WNK2: variants seen among roughly 807,000 people sequenced by gnomAD.
The protein encoded by WNK2 is WNK lysine deficient protein kinase 2.
Under a neutral mutation model 192.1 loss-of-function variants are expected in WNK2, and 67 were observed. The ratio of observed to expected loss-of-function variants is 0.35; its 90% confidence interval spans 0.29 to 0.43. WNK2 has a LOEUF of 0.43. WNK2 is among the 20% of genes least tolerant of loss of function. The probability of loss-of-function intolerance (pLI) is 1.00; values close to 1 mark genes in which losing one functional copy is unlikely to be tolerated. For synonymous variants in WNK2, 1,439 were observed against 1,393.9 expected, an observed-to-expected ratio of 1.03 and a Z score of -0.72; for missense variants, 2,698 against 3,089.7, an observed-to-expected ratio of 0.87 and a Z score of 3.01.
At chr9:93,203,881 G>A (rs1339237923) in intron 2 of WNK2, among the ~76,000 whole-genome samples, 7 of 152,162 alleles carry the variant, frequency 4.6e-5, no homozygotes, top group African/African-American at 1.7e-4. Context: ...GGTTACCCAC[G>A]CAGCCCTGTG....
intron 5 of WNK2, among the ~76,000 whole-genome samples, chr9:93,236,496 A>G (rs1032588304): frequency 7.9e-5 from 12 of 152,330 alleles, no homozygotes; most frequent in South Asian, 2.1e-4. Context: ...AAAGAACGTG[A>G]TAGTTGGTAC....
intron 19 of WNK2, among the ~76,000 whole-genome samples, chr9:93,270,937 G>C (rs1349058821): frequency 6.6e-6 from 1 of 152,168 alleles, no homozygotes; most frequent in African/African-American, 2.4e-5. Context: ...GCAGAATTGG[G>C]TGGTTTCTGT....
chr9:93,275,254 T>G, intron 19 of WNK2, among the ~76,000 whole-genome samples: 1 of 152,206 alleles, frequency 6.6e-6, no homozygotes, highest in East Asian at 1.9e-4. Flanking sequence ...CAATTGCACA[T>G]GCCTATAGTT....
At chr9:93,266,239 G>C (rs1325180774) in intron 16 of WNK2, among the ~76,000 whole-genome samples, 1 of 152,166 alleles carries the variant, frequency 6.6e-6, no homozygotes, top group Non-Finnish European at 1.5e-5. Flanking sequence ...TGAGGTACCA[G>C]CTGTCCCTGA....
At chr9:93,283,896 G>A (rs1358233597) in intron 19 of WNK2, among the ~76,000 whole-genome samples, 1 of 152,206 alleles carries the variant, frequency 6.6e-6, no homozygotes. Context: ...CAACAAGGAA[G>A]CAAATGGATG....
chr9:93,201,029 A>G (rs948210437), intron 2 of WNK2, among the ~76,000 whole-genome samples: 1 of 152,114 alleles, frequency 6.6e-6, no homozygotes, highest in Non-Finnish European at 1.5e-5. Context: ...TTTTACTGGG[A>G]TGGATTTTTA....
intron 13 of WNK2, 113 bp downstream of exon 13, chr9:93,262,220 C>A: frequency 7.7e-7 from 1 of 1,299,470 alleles, no homozygotes; most frequent in Non-Finnish European, 1.0e-6. Flanking sequence ...AGCTCTGGGA[C>A]AGCCACCCAG....
rs1244057478 is a variant in WNK2 at position 93,257,061 on chromosome 9, G to A, written c.2304G>A (p.Gln768=). The A allele has an allele frequency of 1.9e-6, 3 of 1,606,064 alleles. No individual in the cohort carries two copies. The South Asian group carries it at 3.3e-5, about 18-fold the overall frequency. Residue 768 remains glutamine, a synonymous_variant, in exon 11 of 30, where the codon CAG becomes CAA. Transcript: ENST00000427277. This position sits in a 1 kb window ranked among gnomAD's most constrained non-coding sequence, Gnocchi z 4.7. ...HLPPYLAPAS[Q]VGAPAQLKPL... is the part of the protein sequence containing the mutation. ...CACCGTACCTGGCTCCAGCCTCCCA[G>A]GTGGGGGCCCCCGCTCAGCTGAAGC...
At position 93,262,691 on chromosome 9, in the gene WNK2, C is replaced by T. The variant is rs572454752; in HGVS notation, c.3382C>T (p.Pro1128Ser). The T allele has an allele frequency of 6.2e-7, 1 of 1,612,518 alleles. No homozygotes were observed. Among genetic ancestry groups the T allele is most frequent in the Non-Finnish European group, 8.5e-7 (1 of 1,179,882 alleles). Residue 1128 changes from proline to serine, a missense_variant, in exon 14 of 30, where the codon CCG (proline) becomes TCG (serine). Coordinates refer to ENST00000427277, the MANE Select transcript of WNK2 (RefSeq NM_006648.4). Reference protein sequence around the residue: ...VQEEQASQDKPPGLPQSCESY... With the variant: ...VQEEQASQDKSPGLPQSCESY... The stretch of plus-strand genomic sequence containing the variant: ...TCAGGAGCAGGCCTCACAGGACAAG[C>T]CGCCCGGCCTCCCGCAGAGCTGTGA...
intron 16 of WNK2, 94 bp from the exon 17 acceptor site, chr9:93,267,652 C>A (rs1029774877): frequency 5.8e-6 from 8 of 1,381,676 alleles, no homozygotes; most frequent in Non-Finnish European, 6.8e-6. Flanking sequence ...TCCCTTGGGG[C>A]CTGGTACAGG....
intron 2 of WNK2, among the ~76,000 whole-genome samples, chr9:93,226,800 G>A (rs1448073268): frequency 6.6e-6 from 1 of 152,304 alleles, no homozygotes; most frequent in Admixed American, 6.5e-5. Context: ...AGAGGCAGGA[G>A]CATGCTCCTT....
Position 93,293,950 on chromosome 9 carries a change from C to T in WNK2, c.5708+777C>T, listed in dbSNP as rs368686855. On this transcript the variant is annotated intron_variant, in intron 23 of 29. Transcript: ENST00000427277. ...TCTTTGTCTCTGTCTCTGTCTCTCTCTCTCCCACCCTCCTTCTTTCTCTTC... is the reference window on the plus strand; with the variant it reads ...TCTTTGTCTCTGTCTCTGTCTCTCTTTCTCCCACCCTCCTTCTTTCTCTTC... Among the ~76,000 whole-genome samples, 29 of 152,234 alleles carry T rather than the reference C, an allele frequency of 1.9e-4. No individual in the cohort carries two copies. The South Asian group carries it at 5.8e-3, about 30-fold the overall frequency.
chr9:93,220,070 G>C (rs1836555941), intron 2 of WNK2, among the ~76,000 whole-genome samples: 1 of 152,202 alleles, frequency 6.6e-6, no homozygotes, highest in Admixed American at 6.5e-5. Flanking sequence ...TGTTTAAAGT[G>C]GTTCCCCCAG....
At chr9:93,238,884 G>T (rs1329260399) in intron 6 of WNK2, among the ~76,000 whole-genome samples, 1 of 152,102 alleles carries the variant, frequency 6.6e-6, no homozygotes, top group Non-Finnish European at 1.5e-5. Context: ...AAGGCTGGGG[G>T]TGCTTCCTCA....
At chr9:93,227,847 G>A (rs1341347254) in intron 2 of WNK2, among the ~76,000 whole-genome samples, 1 of 152,024 alleles carries the variant, frequency 6.6e-6, no homozygotes, top group Non-Finnish European at 1.5e-5. Context: ...TTTATTGTCT[G>A]GATTAAACAT....
intron 2 of WNK2, among the ~76,000 whole-genome samples, chr9:93,202,019 G>T (rs1302752975): frequency 6.6e-6 from 1 of 152,230 alleles, no homozygotes; most frequent in Non-Finnish European, 1.5e-5. Context: ...CTGGGCCGGT[G>T]AGGGTTGCTG....
At chr9:93,299,380 A>G in intron 25 of WNK2, 119 bp downstream of exon 25, 1 of 1,051,768 alleles carries the variant, frequency 9.5e-7, no homozygotes, top group South Asian at 2.2e-5. Flanking sequence ...GGCTGTTGAG[A>G]GGCTTCTTTT....
intron 2 of WNK2, among the ~76,000 whole-genome samples, chr9:93,188,524 C>T (rs1829754364): frequency 6.6e-6 from 1 of 152,204 alleles, no homozygotes. Context: ...TAAAATACCT[C>T]CCTGTCATTC....
intron 9 of WNK2, among the ~76,000 whole-genome samples, chr9:93,255,263 G>A (rs925304396): frequency 2.0e-5 from 3 of 152,218 alleles, no homozygotes; most frequent in Non-Finnish European, 4.4e-5. Flanking sequence ...AGTGAAGGAG[G>A]AGAAACAGCC....
Sources: gnomAD v4.1 joint callset for allele counts (sites outside exome capture counted in the v4.1 genomes callset) on GRCh38, gnomAD v4.1.1 for gene constraint, Gnocchi (gnomAD v3.1) non-coding constraint, MANE v1.5 for transcripts, NCBI Gene and HGNC (gene_info 2026-07-23, HGNC 2026-07-21) for gene names.